The following SKI variants were observed in gnomAD, a reference collection of about 807,000 sequenced individuals.
SKI encodes ski oncogene.
A neutral mutation model predicts 59.3 loss-of-function variants in SKI; 23 were observed. That is an observed-to-expected ratio of 0.39 (90% CI 0.28 to 0.55). SKI has a LOEUF of 0.55. SKI is among the 20% of genes least tolerant of loss of function. The pLI is 0.67. For missense variants in SKI, 1,017 were observed against 1,038.9 expected, an observed-to-expected ratio of 0.98 and a Z score of 0.29; for synonymous variants, 673 against 488.6, an observed-to-expected ratio of 1.38 and a Z score of -4.98.
In SKI at chr1:2,303,040, C is replaced by G; in HGVS notation, c.1032C>G (p.Pro344=). ...PKTDDTSSQS[P]APSEKDKPSS... is the part of the protein sequence containing the mutation. ...CAGATGACACCTCTTCCCAGTCCCCCGCGCCTTCCGAAAAGGACAAGCCGT... is the reference window on the plus strand; with the variant it reads ...CAGATGACACCTCTTCCCAGTCCCCGGCGCCTTCCGAAAAGGACAAGCCGT... Residue 344 remains proline (P), a synonymous_variant, in exon 2 of 7, where the codon CCC becomes CCG. Transcript: ENST00000378536. This position sits in a 1 kb window ranked among gnomAD's most constrained non-coding sequence, Gnocchi z 5.6. The G allele has an allele frequency of 6.2e-7, 1 of 1,613,734 alleles. No homozygotes were observed. Among genetic ancestry groups the G allele is most frequent in the African/African-American group, 1.3e-5 (1 of 75,060 alleles).
rs1358470613 is a variant in SKI at position 2,269,922 on chromosome 1, G to C, written c.970-33056G>C. Among the ~76,000 whole-genome samples the C allele has an allele frequency of 1.2e-4, 14 of 114,358 alleles. No homozygotes were observed. Among genetic ancestry groups the C allele is most frequent in the African/African-American group, 4.0e-4 (11 of 27,636 alleles). 75.0% of individuals were successfully genotyped at this position (114,358 alleles called of 152,430 possible). ...TGGCTGGCGTGGGTCTGGCGGGTCT[G>C]GTGGTGCCTGTGGCTGGCGTGGGTC... On this transcript the variant is annotated intron_variant, in intron 1 of 6. Coordinates refer to ENST00000378536, the MANE Select transcript of SKI (RefSeq NM_003036.4). This position sits in a 1 kb window ranked among gnomAD's most constrained non-coding sequence, Gnocchi z 4.7.
At chr1:2,294,894 T>C (rs903918) in intron 1 of SKI, among the ~76,000 whole-genome samples, 6 of 152,164 alleles carry the variant, frequency 3.9e-5, no homozygotes, top group Admixed American at 3.9e-4. Context: ...TGTGCCTGGG[T>C]TGGAGGCCAC....
rs377609334 is a variant in SKI at position 2,273,132 on chromosome 1, G to C, written c.970-29846G>C. Among the ~76,000 whole-genome samples the C allele has an allele frequency of 4.0e-4, 61 of 152,372 alleles. No individual in the cohort carries two copies. In the East Asian group the frequency reaches 8.5e-3, roughly 21 times the overall value. On this transcript the variant is annotated intron_variant, in intron 1 of 6. Coordinates refer to ENST00000378536, the MANE Select transcript of SKI (RefSeq NM_003036.4). Reference sequence around the variant, plus strand: ...GCCCTTCATCTCGGGAACAGACCAAGGGGGTGTTTTCGGCCGTCTGAGACC... The same window carrying C: ...GCCCTTCATCTCGGGAACAGACCAACGGGGTGTTTTCGGCCGTCTGAGACC...
chr1:2,247,776 C>T (rs990568461), intron 1 of SKI, among the ~76,000 whole-genome samples: 1 of 152,354 alleles, frequency 6.6e-6, no homozygotes, highest in African/African-American at 2.4e-5. Context: ...CCACAGGTGC[C>T]CTTGGGGAGC....
Position 2,270,161 on chromosome 1 carries a change from G to A in SKI, c.970-32817G>A, listed in dbSNP as rs1639585828. 6.6e-6 allele frequency among the ~76,000 whole-genome samples: 1 copy of A among 152,208 alleles called. No homozygotes were observed. The highest frequency in any genetic ancestry group is 1.5e-5 in the Non-Finnish European group (1 of 68,032). On this transcript the variant is annotated intron_variant, in intron 1 of 6. Coordinates refer to ENST00000378536, the MANE Select transcript of SKI (RefSeq NM_003036.4). The surrounding 1 kb of genome is among the most constrained non-coding windows in gnomAD (Gnocchi z 4.1). ...ACAGCCAGGCAGTAAAGTGTGGCCA[G>A]CACCTTGCTGCAAGAGAGGGACAGA...
chr1:2,253,826 G>GT (rs1261588229), intron 1 of SKI, among the ~76,000 whole-genome samples: 5 of 152,200 alleles, frequency 3.3e-5, no homozygotes, highest in Non-Finnish European at 7.3e-5. Flanking sequence ...AGAGCCCACA[G>GT]TGACAGCAGA....
At chr1:2,247,377 G>T (rs1328414570) in intron 1 of SKI, among the ~76,000 whole-genome samples, 2 of 152,240 alleles carry the variant, frequency 1.3e-5, no homozygotes, top group African/African-American at 4.8e-5. Context: ...ATGACCAAGG[G>T]CCTGTTTGCA....
chr1:2,228,811 G>T lies in SKI; in HGVS notation c.45G>T (p.Pro15=), dbSNP rs762947696. The change falls in exon 1 of 7, where the codon CCG becomes CCT. Residue 15 remains proline (P), a synonymous_variant. Coordinates refer to ENST00000378536, the MANE Select transcript of SKI (RefSeq NM_003036.4). ...GCCGCGGCTGTTTCCAGCCGCACCC[G>T]GGGCTGCAGAAGACGCTGGAGCAGT... is the stretch of plus-strand genomic sequence containing the variant. ...AGGRGCFQPH[P]GLQKTLEQFH... is the part of the protein sequence containing the mutation. 7.4e-7 allele frequency: 1 copy of T among 1,353,576 alleles called. No homozygotes were observed. The highest frequency in any genetic ancestry group is 9.6e-7 in the Non-Finnish European group (1 of 1,041,796). The allele number at this position is 1,353,576 out of a possible 1,614,324, so 83.8% of individuals were successfully genotyped here. A position where few individuals can be genotyped will look rare whatever the true frequency, so the allele number is the denominator to read the frequency against.
rs1557807750 is a variant in SKI at position 2,229,881 on chromosome 1, CAG to C, written c.969+149_969+150del. The stretch of plus-strand genomic sequence containing the variant: ...GTCTTCGCTTTGTTTTAGGGAAATT[CAG>C]AGTGTTCCGACTGGCAGGGCCAGAG... On this transcript the variant is annotated intron_variant, in intron 1 of 6. Transcript: ENST00000378536. The surrounding 1 kb of genome is among the most constrained non-coding windows in gnomAD (Gnocchi z 6.3). The C allele has an allele frequency of 7.0e-7, 1 of 1,435,730 alleles. No individual in the cohort carries two copies. Among genetic ancestry groups the C allele is most frequent in the Non-Finnish European group, 9.4e-7 (1 of 1,067,070 alleles). 88.9% of individuals were successfully genotyped at this position (1,435,730 alleles called of 1,614,324 possible). A position where few individuals can be genotyped will look rare whatever the true frequency, so the allele number is the denominator to read the frequency against.
chr1:2,265,490 C>T (rs1360493961), intron 1 of SKI, among the ~76,000 whole-genome samples: 3 of 152,128 alleles, frequency 2.0e-5, no homozygotes, highest in Admixed American at 6.5e-5. Flanking sequence ...TTATTTTACT[C>T]TTTTAAATAT....
intron 1 of SKI, among the ~76,000 whole-genome samples, chr1:2,246,853 T>TC (rs1639009492): frequency 6.6e-6 from 1 of 151,566 alleles, no homozygotes; most frequent in Non-Finnish European, 1.5e-5. Context: ...AGGAACCTGA[T>TC]GGGGGGGGCC....
Position 2,284,826 on chromosome 1 carries a change from G to A in SKI, c.970-18152G>A, listed in dbSNP as rs559251984. Among the ~76,000 whole-genome samples the A allele has an allele frequency of 6.6e-5, 10 of 152,300 alleles. 1 individual carries two copies. The South Asian group carries it at 8.3e-4, about 13-fold the overall frequency. On this transcript the variant is annotated intron_variant, in intron 1 of 6. Transcript: ENST00000378536. The stretch of plus-strand genomic sequence containing the variant: ...CACCTTGGCCTGTGCTGGGGGCCCC[G>A]GTGGCTGGAGAGTGAGAGTGGGTGC...
intron 1 of SKI, among the ~76,000 whole-genome samples, chr1:2,234,452 T>C (rs1240590420): frequency 2.0e-5 from 3 of 152,170 alleles, no homozygotes; most frequent in Admixed American, 1.3e-4. Flanking sequence ...ATTTGTGCAA[T>C]GTCTGTCTGT....
At chr1:2,245,883 G>A (rs1405509372) in intron 1 of SKI, among the ~76,000 whole-genome samples, 4 of 124,136 alleles carry the variant, frequency 3.2e-5, no homozygotes, top group African/African-American at 9.1e-5. Flanking sequence ...TGCAACCTCC[G>A]CCTCCCAGGT....
At chr1:2,278,929 A>G (rs534569462) in intron 1 of SKI, among the ~76,000 whole-genome samples, 2 of 152,244 alleles carry the variant, frequency 1.3e-5, no homozygotes, top group South Asian at 4.1e-4. Flanking sequence ...CCAATTTCCC[A>G]TGGTGCTGGG....
intron 1 of SKI, among the ~76,000 whole-genome samples, chr1:2,274,591 C>T (rs1257186052): frequency 2.0e-5 from 3 of 152,380 alleles, no homozygotes; most frequent in East Asian, 3.9e-4. Context: ...GAAGTCCCAG[C>T]GGCACCTGGC....
At chr1:2,288,321 C>T (rs1640089538) in intron 1 of SKI, among the ~76,000 whole-genome samples, 1 of 152,170 alleles carries the variant, frequency 6.6e-6, no homozygotes, top group South Asian at 2.1e-4. Context: ...AGGGTTTCTC[C>T]ACATGGGCCA....
rs1638548749 is a variant in SKI at position 2,228,380 on chromosome 1, C to A, written c.-387C>A. Reference sequence around the variant, plus strand: ...GATTCGCGCCTCGCGGCGCCGGCACCTGCCCGCGCGCCCCCCGCGAGCCCC... The same window carrying A: ...GATTCGCGCCTCGCGGCGCCGGCACATGCCCGCGCGCCCCCCGCGAGCCCC... On this transcript the variant is annotated 5_prime_UTR_variant, in exon 1 of 7. In the 5' UTR this introduces an upstream ATG that the reference lacks. Transcript: ENST00000378536. Among the ~76,000 whole-genome samples the A allele has an allele frequency of 1.4e-5, 2 of 142,452 alleles. No homozygotes were observed. Among genetic ancestry groups the A allele is most frequent in the South Asian group, 4.3e-4 (2 of 4,668 alleles). The allele number at this position is 142,452 out of a possible 152,430, so 93.5% of individuals were successfully genotyped here. A position where few individuals can be genotyped will look rare whatever the true frequency, so the allele number is the denominator to read the frequency against.
At chr1:2,245,630 C>T (rs1168332877) in intron 1 of SKI, among the ~76,000 whole-genome samples, 1 of 151,922 alleles carries the variant, frequency 6.6e-6, no homozygotes, top group Non-Finnish European at 1.5e-5. Flanking sequence ...CATGTGCCAC[C>T]ATGCCCAGCT....
Sources: gnomAD v4.1 joint callset for allele counts (sites outside exome capture counted in the v4.1 genomes callset) on GRCh38, gnomAD v4.1.1 for gene constraint, Gnocchi (gnomAD v3.1) non-coding constraint, MANE v1.5 for transcripts, NCBI Gene and HGNC (gene_info 2026-07-23, HGNC 2026-07-21) for gene names.